The following RBFOX3 variants were observed in gnomAD, a reference collection of about 807,000 sequenced individuals.
RBFOX3 encodes the protein RNA binding fox-1 homolog 3, also known as RNA binding protein fox-1 homolog 3.
RBFOX3 carries 17 observed loss-of-function variants against 48.7 expected under a neutral mutation model. The observed-to-expected ratio is 0.35, with a 90% CI of 0.24 to 0.52. RBFOX3 has a LOEUF of 0.52. Ranked by LOEUF, RBFOX3 falls within the 20% of genes least tolerant of loss-of-function variation. The pLI is 0.94. For missense variants in RBFOX3, 382 were observed against 497.5 expected (o/e 0.77, Z 2.21); for synonymous variants, 212 against 209.5 (o/e 1.01, Z -0.10).
At chr17:79,595,947 C>T (rs1276775815) in intron 1 of RBFOX3, among the ~76,000 whole-genome samples, 14 of 152,244 alleles carry the variant, frequency 9.2e-5, no homozygotes, top group African/African-American at 3.4e-4. Context: ...CCCCTGTGGA[C>T]GGGGTACATT....
the RBFOX3 span, among the ~76,000 whole-genome samples, chr17:79,640,285 C>T: frequency 1 from 152,229 of 152,298 alleles, 76,081 homozygotes; most frequent in Middle Eastern, 1. Context: ...TTATAAAACA[C>T]TGATGCAGGA....
At chr17:79,251,044 C>T (rs1012026750) in intron 3 of RBFOX3, among the ~76,000 whole-genome samples, 1 of 151,948 alleles carries the variant, frequency 6.6e-6, no homozygotes, top group African/African-American at 2.4e-5. Flanking sequence ...CTCAGGTGAC[C>T]CACCTGCCTC....
At position 79,299,950 on chromosome 17, in the gene RBFOX3, G is replaced by A. The variant is rs1222655448; in HGVS notation, c.-74+7774C>T. ...GACAGTGTCTCGCTCTGTGGCCCAG[G>A]CTGGAGTGCAGTGGCATGATCTCGG... On this transcript the variant is annotated intron_variant, in intron 3 of 14. Coordinates refer to ENST00000693108, the MANE Select transcript of RBFOX3 (RefSeq NM_001350451.2). This position sits in a 1 kb window ranked among gnomAD's most constrained non-coding sequence, Gnocchi z 4.5. Among the ~76,000 whole-genome samples the A allele has an allele frequency of 1.3e-5, 2 of 151,820 alleles. No individual in the cohort carries two copies. Among genetic ancestry groups the A allele is most frequent in the Admixed American group, 6.6e-5 (1 of 15,252 alleles).
Position 79,103,009 on chromosome 17 carries a change from C to G in RBFOX3, c.507+153G>C, listed in dbSNP as rs1046219577. 6.6e-6 allele frequency among the ~76,000 whole-genome samples: 1 copy of G among 151,758 alleles called. No homozygotes were observed. The highest frequency in any genetic ancestry group is 1.5e-5 in the Non-Finnish European group (1 of 67,944). On this transcript the variant is annotated intron_variant, in intron 8 of 14. Coordinates refer to ENST00000693108, the MANE Select transcript of RBFOX3 (RefSeq NM_001350451.2). This position sits in a 1 kb window ranked among gnomAD's most constrained non-coding sequence, Gnocchi z 6.1. ...ATAGGGCTCAGCCGGCAGCTGAGCA[C>G]CCTGGCCTTAGTGCGACCCTTCCTC... is the stretch of plus-strand genomic sequence containing the variant.
chr17:79,527,930 C>T (rs2087017420), intron 1 of RBFOX3, among the ~76,000 whole-genome samples: 1 of 152,232 alleles, frequency 6.6e-6, no homozygotes, highest in Non-Finnish European at 1.5e-5. Flanking sequence ...TAACACCTTC[C>T]TCTTTCTGCC....
At chr17:79,559,557 G>A (rs2092035249) in intron 1 of RBFOX3, among the ~76,000 whole-genome samples, 1 of 150,384 alleles carries the variant, frequency 6.6e-6, no homozygotes. Flanking sequence ...GATGAATGGT[G>A]GGTGGACAGA....
chr17:79,382,678 G>C (rs1311700755), intron 2 of RBFOX3, among the ~76,000 whole-genome samples: 1 of 152,240 alleles, frequency 6.6e-6, no homozygotes, highest in Non-Finnish European at 1.5e-5. Flanking sequence ...CAAGGCTTCA[G>C]TGCCAGCATC....
At chr17:79,164,308 C>T (rs995989041) in intron 4 of RBFOX3, among the ~76,000 whole-genome samples, 1 of 152,210 alleles carries the variant, frequency 6.6e-6, no homozygotes, top group Non-Finnish European at 1.5e-5. Flanking sequence ...GAGAAGCCAA[C>T]AGGCTAAGGA....
intron 2 of RBFOX3, among the ~76,000 whole-genome samples, chr17:79,356,359 T>G (rs1473103520): frequency 4.0e-4 from 27 of 67,218 alleles, no homozygotes; most frequent in East Asian, 5.6e-4. Context: ...TTTTTTTTTT[T>G]TTTTTTTTTT....
At chr17:79,275,610 A>G (rs1279458284) in intron 3 of RBFOX3, among the ~76,000 whole-genome samples, 2 of 152,062 alleles carry the variant, frequency 1.3e-5, no homozygotes, top group African/African-American at 4.8e-5. Flanking sequence ...CACAGGGGGT[A>G]TCAGGCAGGG....
At chr17:79,096,620 TCCC>T in intron 12 of RBFOX3, 30 bp downstream of exon 12, 7 of 1,502,334 alleles carry the variant, frequency 4.7e-6, no homozygotes, top group Non-Finnish European at 6.3e-6. Flanking sequence ...GAACGCCTGA[TCCC>T]ACCCTCCCTC....
At chr17:79,508,216 G>C (rs2083461314) in intron 1 of RBFOX3, among the ~76,000 whole-genome samples, 1 of 152,012 alleles carries the variant, frequency 6.6e-6, no homozygotes. Flanking sequence ...GTGGGCCGCT[G>C]GGAAGAGCAG....
intron 1 of RBFOX3, among the ~76,000 whole-genome samples, chr17:79,537,230 G>A (rs965615983): frequency 4.0e-5 from 6 of 151,896 alleles, no homozygotes; most frequent in Non-Finnish European, 2.9e-5. Flanking sequence ...CTCCTCCCTC[G>A]CCCCTTCCGG....
At chr17:79,554,288 C>T (rs1388981712) in intron 1 of RBFOX3, among the ~76,000 whole-genome samples, 1 of 151,702 alleles carries the variant, frequency 6.6e-6, no homozygotes. Flanking sequence ...GCTGTGCATC[C>T]TCTCCATCCT....
rs1268402661 is a variant in RBFOX3, at chr17:79,103,132, A to G, written c.507+30T>C. The G allele has an allele frequency of 6.6e-7, 1 of 1,509,432 alleles. No homozygotes were observed. The highest frequency in any genetic ancestry group is 1.4e-5 in the African/African-American group (1 of 72,040). 93.5% of individuals were successfully genotyped at this position (1,509,432 alleles called of 1,614,324 possible). ...GGGGGCAGGTGGGCGATCTTGGGGC[A>G]TCCCTGCCGCAGCACACTTATCTGA... On this transcript the variant is annotated intron_variant, in intron 8 of 14. Coordinates refer to ENST00000693108, the MANE Select transcript of RBFOX3 (RefSeq NM_001350451.2). This position sits in a 1 kb window ranked among gnomAD's most constrained non-coding sequence, Gnocchi z 6.1.
intron 1 of RBFOX3, among the ~76,000 whole-genome samples, chr17:79,584,772 TA>T (rs1263091801): frequency 0.25 from 28,247 of 111,636 alleles, 2,998 homozygotes; most frequent in East Asian, 0.55. Flanking sequence ...TTTATTTATT[TA>T]TTTTTTTTTT....
chr17:79,452,271 T>A (rs62061736), intron 2 of RBFOX3, among the ~76,000 whole-genome samples: 24,437 of 151,872 alleles, frequency 0.16, 2,137 homozygotes, highest in Non-Finnish European at 0.18. Flanking sequence ...GGAGCTCAGA[T>A]GGGCAATCGG....
chr17:79,542,746 G>A (rs2089894239), intron 1 of RBFOX3, among the ~76,000 whole-genome samples: 1 of 152,214 alleles, frequency 6.6e-6, no homozygotes, highest in South Asian at 2.1e-4. Context: ...TCACACCACT[G>A]CACTCCAGCC....
chr17:79,468,817 C>A (rs2076669000), intron 2 of RBFOX3, among the ~76,000 whole-genome samples: 1 of 124,978 alleles, frequency 8.0e-6, no homozygotes, highest in Non-Finnish European at 1.7e-5. Context: ...GGAAGACAGG[C>A]AGGAGGATGG....
Sources: allele counts gnomAD v4.1 joint callset (sites outside exome capture counted in the v4.1 genomes callset), GRCh38; gene constraint gnomAD v4.1.1; non-coding constraint Gnocchi (gnomAD v3.1); transcripts MANE v1.5; gene names NCBI Gene and HGNC (gene_info 2026-07-23, HGNC 2026-07-21).